The following KCNQ5 variants were observed in gnomAD, a reference collection of about 807,000 sequenced individuals.
The protein encoded by KCNQ5 is potassium voltage-gated channel subfamily Q member 5.
A neutral mutation model predicts 98.2 loss-of-function variants in KCNQ5; 30 were observed. The ratio of observed to expected loss-of-function variants is 0.31; its 90% CI spans 0.23 to 0.41. The LOEUF (loss-of-function observed/expected upper bound fraction) is 0.41. Ranked by LOEUF, KCNQ5 falls within the 10% of genes least tolerant of loss-of-function variation. The pLI, the probability that KCNQ5 is intolerant of heterozygous loss-of-function variation, is 1.00. For synonymous variants in KCNQ5, 458 were observed against 449.4 expected (o/e 1.02, Z -0.24); for missense variants, 835 against 1,182.5 (o/e 0.71, Z 4.31).
At position 72,700,078 on chromosome 6, in the gene KCNQ5, T is replaced by C. The variant is rs1042401540; in HGVS notation, c.398+77491T>C. ...GAGTAAGCACTCAATAAATGTAAAA[T>C]ATTAAAATCAGCTGCTTTGACCATC... On this transcript the variant is annotated intron_variant, in intron 1 of 13. Coordinates refer to ENST00000370398, the MANE Select transcript of KCNQ5 (RefSeq NM_019842.4). Among the ~76,000 whole-genome samples, 29 of 152,118 alleles carry C rather than the reference T, an allele frequency of 1.9e-4. 1 individual carries two copies. Among genetic ancestry groups the C allele is most frequent in the Admixed American group, 1.7e-3 (26 of 15,258 alleles).
intron 1 of KCNQ5, among the ~76,000 whole-genome samples, chr6:72,912,227 TGTG>T (rs1477357530): frequency 2.0e-5 from 3 of 152,176 alleles, no homozygotes; most frequent in Admixed American, 1.3e-4. Flanking sequence ...GGGCATTATG[TGTG>T]GTGGTAGCAC....
At chr6:72,689,806 T>C (rs750139818) in intron 1 of KCNQ5, among the ~76,000 whole-genome samples, 6 of 151,362 alleles carry the variant, frequency 4.0e-5, no homozygotes, top group Non-Finnish European at 8.8e-5. Flanking sequence ...TCAACCTCAG[T>C]GCAACAGGAA....
chr6:72,743,295 A>G (rs916698345), intron 1 of KCNQ5, among the ~76,000 whole-genome samples: 8 of 151,542 alleles, frequency 5.3e-5, no homozygotes, highest in African/African-American at 1.9e-4. Flanking sequence ...ATATTATTAA[A>G]TATAATTAAT....
intron 7 of KCNQ5, among the ~76,000 whole-genome samples, chr6:73,116,283 ATATCAT>A (rs1775488161): frequency 6.6e-6 from 1 of 152,216 alleles, no homozygotes; most frequent in African/African-American, 2.4e-5. Context: ...TAAGTGGGCA[ATATCAT>A]TATCGTTCAG....
intron 5 of KCNQ5, among the ~76,000 whole-genome samples, chr6:73,099,492 C>T (rs189662361): frequency 6.6e-6 from 1 of 152,022 alleles, no homozygotes; most frequent in Non-Finnish European, 1.5e-5. Context: ...AAAAGATATC[C>T]CATGCAAATG....
chr6:72,963,871 C>T (rs1767488226), intron 1 of KCNQ5, among the ~76,000 whole-genome samples: 1 of 152,126 alleles, frequency 6.6e-6, no homozygotes, highest in South Asian at 2.1e-4. Context: ...ACCATGTTGA[C>T]CAGCCTGGTC....
Position 72,668,912 on chromosome 6 carries a change from A to C in KCNQ5, c.398+46325A>C, listed in dbSNP as rs140263844. Among the ~76,000 whole-genome samples, 25 of 151,990 alleles carry C rather than the reference A, an allele frequency of 1.6e-4. No homozygotes were observed. In the East Asian group the frequency reaches 4.7e-3, roughly 29 times the overall value. ...GGCCAGGCCCTAAAGACCTTCTTTAACCTTAATTACCTTCATACAGGCCCT... is the reference window on the plus strand; with the variant it reads ...GGCCAGGCCCTAAAGACCTTCTTTACCCTTAATTACCTTCATACAGGCCCT... On this transcript the variant is annotated intron_variant, in intron 1 of 13. Coordinates refer to ENST00000370398, the MANE Select transcript of KCNQ5 (RefSeq NM_019842.4).
At chr6:73,022,661 T>C (rs1379203090) in intron 2 of KCNQ5, among the ~76,000 whole-genome samples, 1 of 152,084 alleles carries the variant, frequency 6.6e-6, no homozygotes, top group Admixed American at 6.6e-5. Flanking sequence ...TAGTTCTAAG[T>C]TAAGTGCCCT....
chr6:72,856,728 A>C (rs1001248111), intron 1 of KCNQ5, among the ~76,000 whole-genome samples: 1 of 152,228 alleles, frequency 6.6e-6, no homozygotes, highest in Non-Finnish European at 1.5e-5. Flanking sequence ...TGACAAAGAA[A>C]TATTTGTGCA....
chr6:73,157,027 C>T (rs1056612803), intron 10 of KCNQ5, among the ~76,000 whole-genome samples: 9 of 152,112 alleles, frequency 5.9e-5, no homozygotes, highest in Non-Finnish European at 1.3e-4. Context: ...AGGGGCGAGG[C>T]GAGCAGAGAG....
At chr6:72,679,026 A>C in intron 1 of KCNQ5, among the ~76,000 whole-genome samples, 1 of 152,218 alleles carries the variant, frequency 6.6e-6, no homozygotes, top group East Asian at 1.9e-4. Flanking sequence ...ATAAACAAGG[A>C]CTTCAAAACT....
intron 1 of KCNQ5, among the ~76,000 whole-genome samples, chr6:72,778,688 T>C (rs1376602251): frequency 1.3e-5 from 2 of 152,210 alleles, no homozygotes; most frequent in East Asian, 1.9e-4. Context: ...TGTGTATGTA[T>C]ACGAAAACAT....
intron 10 of KCNQ5, among the ~76,000 whole-genome samples, chr6:73,164,256 A>G (rs1426917078): frequency 6.6e-6 from 1 of 152,198 alleles, no homozygotes; most frequent in African/African-American, 2.4e-5. Context: ...GCAGAAAGAC[A>G]GCATCTTGCT....
chr6:72,693,685 G>T (rs554479854), intron 1 of KCNQ5, among the ~76,000 whole-genome samples: 7 of 152,098 alleles, frequency 4.6e-5, no homozygotes, highest in Non-Finnish European at 7.4e-5. Context: ...AAACTATTCC[G>T]GAGAGGTGAA....
intron 1 of KCNQ5, among the ~76,000 whole-genome samples, chr6:72,850,809 A>T (rs1777221582): frequency 6.6e-6 from 1 of 152,202 alleles, no homozygotes; most frequent in Non-Finnish European, 1.5e-5. Flanking sequence ...CCAGTGGAAG[A>T]CAAAGATATG....
intron 1 of KCNQ5, among the ~76,000 whole-genome samples, chr6:72,679,571 T>G (rs1582102624): frequency 1.2e-5 from 1 of 85,056 alleles, no homozygotes; most frequent in South Asian, 4.8e-4. Flanking sequence ...TGGGGACTGT[T>G]GTGGGGTGGG....
chr6:73,140,457 G>A (rs1052509982), intron 10 of KCNQ5, among the ~76,000 whole-genome samples: 1 of 152,160 alleles, frequency 6.6e-6, no homozygotes, highest in African/African-American at 2.4e-5. Context: ...GCCTGATAAT[G>A]ACTCTGCATT....
At chr6:72,697,251 C>T (rs953744872) in intron 1 of KCNQ5, among the ~76,000 whole-genome samples, 11 of 152,112 alleles carry the variant, frequency 7.2e-5, no homozygotes, top group Admixed American at 2.0e-4. Flanking sequence ...ACTGGTCATT[C>T]CCCATGTTCA....
chr6:73,042,196 T>A, intron 3 of KCNQ5, 134 bp downstream of exon 3: 1 of 1,023,412 alleles, frequency 9.8e-7, no homozygotes, highest in Non-Finnish European at 1.5e-6. Flanking sequence ...CACTCTTGTG[T>A]CTTGAAAATG....
Sources: gnomAD v4.1 joint callset for allele counts (sites outside exome capture counted in the v4.1 genomes callset) on GRCh38, gnomAD v4.1.1 for gene constraint, MANE v1.5 for transcripts, NCBI Gene and HGNC (gene_info 2026-07-23, HGNC 2026-07-21) for gene names.